The following NCS1 variants were observed in gnomAD, a reference collection of about 807,000 sequenced individuals.
The protein encoded by NCS1 is neuronal calcium sensor 1.
In NCS1, 6 loss-of-function variants were observed where a neutral mutation model predicts 28.4. That is an observed-to-expected ratio of 0.21 (90% CI 0.12 to 0.42). NCS1 has a LOEUF of 0.42. NCS1 is among the 10% of genes least tolerant of loss of function. NCS1 has a pLI of 1.00. For missense variants in NCS1, 131 were observed against 241.4 expected, an observed-to-expected ratio of 0.54 and a Z score of 3.03; for synonymous variants, 86 against 99.3, an observed-to-expected ratio of 0.87 and a Z score of 0.79.
intron 1 of NCS1, among the ~76,000 whole-genome samples, 187 bp downstream of exon 1, chr9:130,172,914 A>G (rs1286448292): frequency 1.4e-5 from 2 of 148,020 alleles, no homozygotes; most frequent in Admixed American, 1.3e-4. Flanking sequence ...GCCCGGCCCC[A>G]TTGTTCTGGC....
intron 2 of NCS1, among the ~76,000 whole-genome samples, chr9:130,204,075 C>T (rs1029591262): frequency 6.6e-6 from 1 of 152,136 alleles, no homozygotes; most frequent in African/African-American, 2.4e-5. Flanking sequence ...TCACTGCAAC[C>T]TCTGCCTCCC....
chr9:130,173,515 C>T (rs890467475), intron 1 of NCS1, among the ~76,000 whole-genome samples: 12 of 152,228 alleles, frequency 7.9e-5, no homozygotes, highest in Admixed American at 2.6e-4. Flanking sequence ...CCATACCAGG[C>T]TTCCCCCTTC....
At chr9:130,212,649 T>C (rs1833128290) in intron 2 of NCS1, among the ~76,000 whole-genome samples, 1 of 150,926 alleles carries the variant, frequency 6.6e-6, no homozygotes, top group South Asian at 2.1e-4. Context: ...CGGCAGCGTG[T>C]CTGAAGGAGA....
In NCS1 at chr9:130,191,369, T is replaced by TC. The variant is rs199832317; in HGVS notation, c.65-9587dup. On this transcript the variant is annotated intron_variant, in intron 1 of 7. Coordinates refer to ENST00000372398, the MANE Select transcript of NCS1 (RefSeq NM_014286.4). This position sits in a 1 kb window ranked among gnomAD's most constrained non-coding sequence, Gnocchi z 6.4. ...GAGTCTGCCCTCCGGGGCCAGGGACTCCATCTACTCGCCATTCCTGAAGAC... is the reference window on the plus strand; with the variant it reads ...GAGTCTGCCCTCCGGGGCCAGGGACTCCCATCTACTCGCCATTCCTGAAGAC... Among the ~76,000 whole-genome samples the TC allele has an allele frequency of 3.2e-4, 49 of 152,258 alleles. No homozygotes were observed. The East Asian group carries it at 9.3e-3, about 29-fold the overall frequency.
rs548058245 is a variant in NCS1, at chr9:130,175,906, C to T, written c.64+3179C>T. Among the ~76,000 whole-genome samples, 30 of 152,318 alleles carry T rather than the reference C, an allele frequency of 2.0e-4. No individual in the cohort carries two copies. In the South Asian group the frequency reaches 5.8e-3, roughly 29 times the overall value. On this transcript the variant is annotated intron_variant, in intron 1 of 7. Transcript: ENST00000372398. This position sits in a 1 kb window ranked among gnomAD's most constrained non-coding sequence, Gnocchi z 4.9. Reference sequence around the variant, plus strand: ...CAGGTCTGGCCCACTCTCTTCCAACCTGCTGGTGAGGCTGTTGGCTTCCCC... The same window carrying T: ...CAGGTCTGGCCCACTCTCTTCCAACTTGCTGGTGAGGCTGTTGGCTTCCCC...
intron 7 of NCS1, among the ~76,000 whole-genome samples, chr9:130,230,318 T>C (rs1378569820): frequency 3.9e-5 from 6 of 152,204 alleles, no homozygotes; most frequent in Non-Finnish European, 7.4e-5. Flanking sequence ...TCCACTGCAC[T>C]CCAGCCTGGG....
At chr9:130,216,396 T>C (rs1225352512) in intron 2 of NCS1, among the ~76,000 whole-genome samples, 2 of 152,142 alleles carry the variant, frequency 1.3e-5, no homozygotes, top group Non-Finnish European at 2.9e-5. Flanking sequence ...TCTTCCTCTC[T>C]CTGAGCCTGT....
chr9:130,184,615 C>CT (rs1832715347), intron 1 of NCS1, among the ~76,000 whole-genome samples: 1 of 151,960 alleles, frequency 6.6e-6, no homozygotes, highest in African/African-American at 2.4e-5. Context: ...GGCACCTTTT[C>CT]TTTCTTTTTT....
rs1456351552 is a variant in NCS1 at position 130,180,535 on chromosome 9, G to A, written c.64+7808G>A. ...AGAGTGTCAGAGATTACGTTGCGGC[G>A]TTTCTAGGTAACTTGAGATTGGGGT... On this transcript the variant is annotated intron_variant, in intron 1 of 7. Coordinates refer to ENST00000372398, the MANE Select transcript of NCS1 (RefSeq NM_014286.4). The surrounding 1 kb of genome is among the most constrained non-coding windows in gnomAD (Gnocchi z 4.5). Among the ~76,000 whole-genome samples the A allele has an allele frequency of 6.6e-6, 1 of 152,170 alleles. No individual in the cohort carries two copies.
intron 1 of NCS1, among the ~76,000 whole-genome samples, 176 bp from the exon 2 acceptor site, chr9:130,200,782 G>T (rs1342894290): frequency 6.6e-6 from 1 of 152,212 alleles, no homozygotes; most frequent in Non-Finnish European, 1.5e-5. Flanking sequence ...TGGGTACAGA[G>T]CCCCTGGCTA....
rs1554904175 is a variant in NCS1, at chr9:130,172,643, CG to C, written c.-16del. 1.8e-5 allele frequency: 26 copies of C among 1,427,190 alleles called. No homozygotes were observed. The highest frequency in any genetic ancestry group is 1.0e-4 in the East Asian group (3 of 29,728). 88.4% of individuals were successfully genotyped at this position (1,427,190 alleles called of 1,614,324 possible). On this transcript the variant is annotated 5_prime_UTR_variant, in exon 1 of 8. Transcript: ENST00000372398. ...CCCAACCGGGTCCGGCCCGGGGGGGCGGGGGCCGCGGCCGCCGAGGATGGGG... is the reference window on the plus strand; with the variant it reads ...CCCAACCGGGTCCGGCCCGGGGGGGCGGGGCCGCGGCCGCCGAGGATGGGG...
At position 130,186,500 on chromosome 9, in the gene NCS1, T is replaced by G. The variant is rs868907796; in HGVS notation, c.64+13773T>G. ...GTACTGCTTGAGGGAGATGAGAAGTTTGCGGGGAGGGTTTGTGTGGGGGAC... is the reference window on the plus strand; with the variant it reads ...GTACTGCTTGAGGGAGATGAGAAGTGTGCGGGGAGGGTTTGTGTGGGGGAC... On this transcript the variant is annotated intron_variant, in intron 1 of 7. Transcript: ENST00000372398. This position sits in a 1 kb window ranked among gnomAD's most constrained non-coding sequence, Gnocchi z 4.1. Among the ~76,000 whole-genome samples the G allele has an allele frequency of 1.3e-5, 2 of 152,054 alleles. No homozygotes were observed. The highest frequency in any genetic ancestry group is 4.1e-4 in the South Asian group (2 of 4,826).
rs1554904629 is a variant in NCS1 at position 130,176,190 on chromosome 9, C to CTTTCTTTCTT, written c.64+3470_64+3471insCTTTTTCTTT. The stretch of plus-strand genomic sequence containing the variant: ...TCTTTCTTTCTTTCTTTCTTTCTTT[C>CTTTCTTTCTT]TTTCTTTTTTTTTTTTTTTGGAGAC... On this transcript the variant is annotated intron_variant, in intron 1 of 7. Transcript: ENST00000372398. 3.9e-4 allele frequency among the ~76,000 whole-genome samples: 22 copies of CTTTCTTTCTT among 56,620 alleles called. No homozygotes were observed. The East Asian group carries it at 7.5e-3, about 19-fold the overall frequency. The allele number at this position is 56,620 out of a possible 152,430, so 37.1% of individuals were successfully genotyped here. A position where few individuals can be genotyped will look rare whatever the true frequency, so the allele number is the denominator to read the frequency against.
At chr9:130,220,171 G>T (rs781940303) in intron 4 of NCS1, among the ~76,000 whole-genome samples, 1 of 152,234 alleles carries the variant, frequency 6.6e-6, no homozygotes, top group African/African-American at 2.4e-5. Context: ...GACTTGGGCC[G>T]CAGGAGGGTC....
At chr9:130,203,136 ATT>A (rs66768750) in intron 2 of NCS1, among the ~76,000 whole-genome samples, 10,137 of 108,350 alleles carry the variant, frequency 0.094, 476 homozygotes, top group Middle Eastern at 0.25. Flanking sequence ...ATATATATAT[ATT>A]TTTTTTTTTT....
At chr9:130,196,394 A>C (rs1832878654) in intron 1 of NCS1, among the ~76,000 whole-genome samples, 1 of 152,128 alleles carries the variant, frequency 6.6e-6, no homozygotes, top group African/African-American at 2.4e-5. Context: ...TTTCTAAACC[A>C]TGTCACAAGA....
At chr9:130,221,880 TAATACATA>T (rs373495469) in intron 4 of NCS1, among the ~76,000 whole-genome samples, 2,112 of 3,406 alleles carry the variant, frequency 0.62, 631 homozygotes, top group East Asian at 0.9. Flanking sequence ...TATATATACA[TAATACATA>T]AATATAAATT....
rs954475413 is a variant in NCS1 at position 130,219,979 on chromosome 9, C to A, written c.307+176C>A. 4.6e-5 allele frequency among the ~76,000 whole-genome samples: 7 copies of A among 152,246 alleles called. No individual in the cohort carries two copies. The highest frequency in any genetic ancestry group is 1.7e-4 in the African/African-American group (7 of 41,468). ...GGGCCCTGGGCAGGTGGCCCTCACA[C>A]GGCCACGTAACTAGGCCAGGCTGAC... is the stretch of plus-strand genomic sequence containing the variant. On this transcript the variant is annotated intron_variant, in intron 4 of 7. Coordinates refer to ENST00000372398, the MANE Select transcript of NCS1 (RefSeq NM_014286.4). This position sits in a 1 kb window ranked among gnomAD's most constrained non-coding sequence, Gnocchi z 5.7.
Position 130,172,551 on chromosome 9 carries a change from G to T in NCS1, c.-113G>T. The T allele has an allele frequency of 5.3e-6, 2 of 375,158 alleles. No homozygotes were observed. Among genetic ancestry groups the T allele is most frequent in the Non-Finnish European group, 7.4e-6 (2 of 270,146 alleles). The allele number at this position is 375,158 out of a possible 1,614,324, so 23.2% of individuals were successfully genotyped here. The stretch of plus-strand genomic sequence containing the variant: ...GGCGCCGACAGCCGCGCAGCGCAGC[G>T]CGGGCGCCGCAGACAAAGGCGCGGC... On this transcript the variant is annotated 5_prime_UTR_variant, in exon 1 of 8. Transcript: ENST00000372398.
Sources: allele counts gnomAD v4.1 joint callset (sites outside exome capture counted in the v4.1 genomes callset), GRCh38; gene constraint gnomAD v4.1.1; non-coding constraint Gnocchi (gnomAD v3.1); transcripts MANE v1.5; gene names NCBI Gene and HGNC (gene_info 2026-07-23, HGNC 2026-07-21).